ATP8A1: variants seen among roughly 807,000 people sequenced by gnomAD.
The protein encoded by ATP8A1 is phospholipid-transporting ATPase IA.
Under a neutral mutation model 177.7 loss-of-function variants are expected in ATP8A1, and 90 were observed. That is an observed-to-expected ratio of 0.51 (90% CI 0.43 to 0.60). The LOEUF is 0.60. ATP8A1 is among the 20% of genes least tolerant of loss of function. The pLI, the probability that ATP8A1 is intolerant of heterozygous loss-of-function variation, is 0.00. For missense variants in ATP8A1, 1,072 were observed against 1,392.8 expected (o/e 0.77, Z 3.67); for synonymous variants, 493 against 485.9 (o/e 1.01, Z -0.19).
intron 35 of ATP8A1, among the ~76,000 whole-genome samples, chr4:42,418,159 C>T (rs902477190): frequency 3.3e-5 from 5 of 152,156 alleles, no homozygotes; most frequent in East Asian, 1.9e-4. Context: ...TCTACACCAC[C>T]GAGTTCTCTG....
At chr4:42,469,629 C>T (rs1006443765) in intron 25 of ATP8A1, among the ~76,000 whole-genome samples, 21 of 152,098 alleles carry the variant, frequency 1.4e-4, no homozygotes, top group African/African-American at 4.6e-4. Flanking sequence ...CTTTAAGAGG[C>T]CTCCCTTGAT....
chr4:42,530,936 G>A (rs1368566874), intron 20 of ATP8A1, among the ~76,000 whole-genome samples: 1 of 152,174 alleles, frequency 6.6e-6, no homozygotes, highest in Non-Finnish European at 1.5e-5. Flanking sequence ...TGCTGGCCTA[G>A]AGGTCTTAGT....
intron 30 of ATP8A1, among the ~76,000 whole-genome samples, chr4:42,451,532 C>G (rs1717929466): frequency 6.6e-6 from 1 of 152,226 alleles, no homozygotes; most frequent in East Asian, 1.9e-4. Flanking sequence ...AAAGCTAACA[C>G]TCCAAGATGA....
chr4:42,648,862 G>A (rs946067196), intron 1 of ATP8A1, among the ~76,000 whole-genome samples: 5 of 152,056 alleles, frequency 3.3e-5, no homozygotes, highest in African/African-American at 1.2e-4. Context: ...TAAACTTAAA[G>A]ACTTACTTTT....
At chr4:42,528,563 C>T (rs1371118409) in intron 20 of ATP8A1, among the ~76,000 whole-genome samples, 1 of 152,024 alleles carries the variant, frequency 6.6e-6, no homozygotes, top group African/African-American at 2.4e-5. Context: ...AGCATATTAA[C>T]ACATCTCCTG....
chr4:42,563,640 C>A (rs1731062821), intron 15 of ATP8A1, among the ~76,000 whole-genome samples: 1 of 152,184 alleles, frequency 6.6e-6, no homozygotes, highest in African/African-American at 2.4e-5. Flanking sequence ...TTTTCATGGG[C>A]TAGGGCCAGG....
chr4:42,545,159 CAAAAA>C (rs150594728), intron 19 of ATP8A1, among the ~76,000 whole-genome samples: 4 of 83,690 alleles, frequency 4.8e-5, no homozygotes, highest in Non-Finnish European at 5.2e-5. Flanking sequence ...GACTCCGTCT[CAAAAA>C]AAAAAAAAAA....
At chr4:42,528,507 G>T (rs1726938946) in intron 20 of ATP8A1, among the ~76,000 whole-genome samples, 1 of 151,930 alleles carries the variant, frequency 6.6e-6, no homozygotes. Context: ...TAACCAAGTG[G>T]TGACTCCAAT....
intron 33 of ATP8A1, among the ~76,000 whole-genome samples, chr4:42,424,026 G>A (rs966402927): frequency 1.3e-5 from 2 of 152,022 alleles, no homozygotes; most frequent in African/African-American, 4.8e-5. Context: ...GATAAATCAT[G>A]ACTACTGTAT....
intron 25 of ATP8A1, among the ~76,000 whole-genome samples, chr4:42,474,061 T>C (rs1720786399): frequency 6.6e-6 from 1 of 152,162 alleles, no homozygotes. Flanking sequence ...ACCTTAAAAC[T>C]ACCTAGTGGA....
chr4:42,619,894 C>T (rs75953419), intron 4 of ATP8A1, among the ~76,000 whole-genome samples: 2,792 of 152,246 alleles, frequency 0.018, 101 homozygotes, highest in East Asian at 0.13. Context: ...GAGATTCCAT[C>T]CCCTCTCCCC....
chr4:42,433,064 T>C (rs1715484004), intron 33 of ATP8A1, among the ~76,000 whole-genome samples: 1 of 152,218 alleles, frequency 6.6e-6, no homozygotes, highest in Admixed American at 6.5e-5. Context: ...CTTACAGTAA[T>C]GATGTTAATG....
intron 6 of ATP8A1, among the ~76,000 whole-genome samples, chr4:42,599,265 A>G (rs1057064657): frequency 6.6e-6 from 1 of 152,208 alleles, no homozygotes; most frequent in African/African-American, 2.4e-5. Context: ...AATATTTGTA[A>G]TAAAATTCAT....
At chr4:42,554,619 T>A (rs1159570435) in intron 16 of ATP8A1, among the ~76,000 whole-genome samples, 7 of 152,092 alleles carry the variant, frequency 4.6e-5, no homozygotes, top group Admixed American at 3.3e-4. Flanking sequence ...CAATCATGAG[T>A]TCAAGTTGGG....
chr4:42,536,353 C>T (rs1560432766), intron 20 of ATP8A1, among the ~76,000 whole-genome samples: 3 of 152,054 alleles, frequency 2.0e-5, no homozygotes, highest in Non-Finnish European at 2.9e-5. Context: ...AACTAGAAAA[C>T]CCAGAGGAGA....
intron 20 of ATP8A1, among the ~76,000 whole-genome samples, chr4:42,540,179 A>G (rs1361382485): frequency 2.0e-5 from 3 of 152,200 alleles, no homozygotes; most frequent in Admixed American, 1.3e-4. Context: ...AGTATATGAA[A>G]AAAATGCTCA....
intron 6 of ATP8A1, chr4:42,594,319 A>T: frequency 6.2e-7 from 1 of 1,604,586 alleles, no homozygotes; most frequent in Non-Finnish European, 8.5e-7. Flanking sequence ...GTCAGCAGGT[A>T]TATACTCTTT....
At chr4:42,515,075 T>C (rs1203836014) in intron 22 of ATP8A1, among the ~76,000 whole-genome samples, 1 of 152,252 alleles carries the variant, frequency 6.6e-6, no homozygotes, top group African/African-American at 2.4e-5. Context: ...CTTACCCCAA[T>C]GGATCACGTT....
intron 7 of ATP8A1, 134 bp downstream of exon 7, chr4:42,590,677 C>T (rs1275059202): frequency 1.4e-6 from 1 of 722,754 alleles, no homozygotes; most frequent in Non-Finnish European, 2.3e-6. Flanking sequence ...GTGAAATGTC[C>T]ATCACCAAGC....
Sources: allele counts gnomAD v4.1 joint callset (sites outside exome capture counted in the v4.1 genomes callset), GRCh38; gene constraint gnomAD v4.1.1; transcripts MANE v1.5; gene names NCBI Gene and HGNC (gene_info 2026-07-23, HGNC 2026-07-21).